NRL: variants seen among roughly 807,000 people sequenced by gnomAD.
NRL encodes the protein neural retina leucine zipper.
NRL carries 16 observed loss-of-function variants against 12.5 expected under a neutral mutation model. That is an observed-to-expected ratio of 1.28 (90% CI 0.87 to 1.95). The LOEUF is 1.95. Among genes scored for constraint, NRL ranks in the 30% most tolerant of loss-of-function variants. The probability of loss-of-function intolerance (pLI) is 0.00; values close to 1 mark genes in which losing one functional copy is unlikely to be tolerated. For synonymous variants in NRL, 142 were observed against 150.9 expected, an observed-to-expected ratio of 0.94 and a Z score of 0.43; for missense variants, 314 against 325.8, an observed-to-expected ratio of 0.96 and a Z score of 0.28.
intron 1 of NRL, chr14:24,099,119 G>A: frequency 6.2e-7 from 1 of 1,612,610 alleles, no homozygotes; most frequent in Non-Finnish European, 8.5e-7. Context: ...ACCAGCGGGA[G>A]ATCATCTCCT....
chr14:24,099,280 AG>A lies in NRL; in HGVS notation c.-28+15441del, dbSNP rs748888635. ...GCAGGGCAGCTGCCGGGGACAGGGCAGGGGTGGGGCCTGGCCAGTCTGCCTC... is the reference window on the plus strand; with the variant it reads ...GCAGGGCAGCTGCCGGGGACAGGGCAGGGTGGGGCCTGGCCAGTCTGCCTC... On this transcript the variant is annotated intron_variant, in intron 1 of 2. Transcript: ENST00000561028. The A allele has an allele frequency of 3.9e-5, 60 of 1,551,270 alleles. No homozygotes were observed. The South Asian group carries it at 6.8e-4, about 18-fold the overall frequency.
At chr14:24,104,663 CAAAACA>C (rs2037303319) in intron 1 of NRL, among the ~76,000 whole-genome samples, 1 of 147,854 alleles carries the variant, frequency 6.8e-6, no homozygotes. Flanking sequence ...CAAAACAAAA[CAAAACA>C]AAAAAAAAAC....
chr14:24,104,083 C>G lies in NRL; in HGVS notation c.-28+10639G>C, dbSNP rs569631551. On this transcript the variant is annotated intron_variant, in intron 1 of 2. Transcript: ENST00000561028. ...ACATCTTCAATGTGCCATAGACCTT[C>G]CCACAAAGACTGTCCAATAATAAGA... The G allele has an allele frequency of 1.9e-4, 130 of 668,352 alleles. No individual in the cohort carries two copies. In the African/African-American group the frequency reaches 2.1e-3, roughly 11 times the overall value. The allele number at this position is 668,352 out of a possible 1,614,324, so 41.4% of individuals were successfully genotyped here. A position where few individuals can be genotyped will look rare whatever the true frequency, so the allele number is the denominator to read the frequency against.
intron 1 of NRL, among the ~76,000 whole-genome samples, chr14:24,087,411 A>C (rs1363753236): frequency 1.3e-5 from 2 of 152,198 alleles, no homozygotes; most frequent in Non-Finnish European, 2.9e-5. Flanking sequence ...ATATTGGACC[A>C]TGGGGAAAGA....
chr14:24,097,027 C>G, intron 1 of NRL: 6 of 1,613,290 alleles, frequency 3.7e-6, no homozygotes, highest in Non-Finnish European at 5.1e-6. Context: ...CCCGCCTGTG[C>G]CAACCAGAGG....
rs781438052 is a variant in NRL, at chr14:24,082,834, G to T, written c.15C>A (p.Pro5=). 3.7e-6 allele frequency: 6 copies of T among 1,612,782 alleles called. No homozygotes were observed. The South Asian group carries it at 6.6e-5, about 18-fold the overall frequency. ...TGACATATTCCATGGCCAGGGGGCTGGGGGGCAGGGCCATTCTGGAGCTGG... is the reference window on the plus strand; with the variant it reads ...TGACATATTCCATGGCCAGGGGGCTTGGGGGCAGGGCCATTCTGGAGCTGG... MALP[P]SPLAMEYVND... Residue 5 remains proline, a synonymous_variant, in exon 2 of 3, where the codon CCC becomes CCA. Coordinates refer to ENST00000561028, the MANE Select transcript of NRL (RefSeq NM_001354768.3).
At position 24,094,622 on chromosome 14, in the gene NRL, C is replaced by G; in HGVS notation, c.-27-11747G>C. The G allele has an allele frequency of 6.8e-7, 1 of 1,470,098 alleles. No homozygotes were observed. The highest frequency in any genetic ancestry group is 9.0e-7 in the Non-Finnish European group (1 of 1,111,662). The allele number at this position is 1,470,098 out of a possible 1,614,324, so 91.1% of individuals were successfully genotyped here. On this transcript the variant is annotated intron_variant, in intron 1 of 2. Coordinates refer to ENST00000561028, the MANE Select transcript of NRL (RefSeq NM_001354768.3). The surrounding 1 kb of genome is among the most constrained non-coding windows in gnomAD (Gnocchi z 4.1). ...CTCTTGGGAGGGCAGCCGGCCGGTGCTCCTCGTTTCCGCCTGCACCTCCCC... is the reference window on the plus strand; with the variant it reads ...CTCTTGGGAGGGCAGCCGGCCGGTGGTCCTCGTTTCCGCCTGCACCTCCCC...
chr14:24,111,688 CG>C (rs1566587071), intron 1 of NRL, among the ~76,000 whole-genome samples: 2 of 152,110 alleles, frequency 1.3e-5, no homozygotes, highest in African/African-American at 4.8e-5. Flanking sequence ...AAAATGATTC[CG>C]TCCTGAGACT....
intron 1 of NRL, among the ~76,000 whole-genome samples, chr14:24,107,314 C>T (rs1010140324): frequency 6.6e-6 from 1 of 152,082 alleles, no homozygotes; most frequent in Admixed American, 6.6e-5. Context: ...ATAGTTAACA[C>T]ATTATAATCT....
chr14:24,099,318 C>T, intron 1 of NRL: 1 of 1,350,178 alleles, frequency 7.4e-7, no homozygotes, highest in Non-Finnish European at 1.0e-6. Flanking sequence ...GCCTCACCTC[C>T]CTCCTGCCAG....
chr14:24,100,286 AAC>A, intron 1 of NRL: 1 of 1,575,922 alleles, frequency 6.3e-7, no homozygotes, highest in Non-Finnish European at 8.6e-7. Context: ...CTTTCTCCAC[AAC>A]CTCCAACCAT....
In NRL at chr14:24,082,474, G is replaced by C. The variant is rs201970559; in HGVS notation, c.375C>G (p.His125Gln). 415 of 1,612,354 alleles carry C rather than the reference G, an allele frequency of 2.6e-4. No individual in the cohort carries two copies. The highest frequency in any genetic ancestry group is 2.7e-4 in the Non-Finnish European group (317 of 1,180,026). The change falls in exon 2 of 3, where the codon CAC becomes CAG. Residue 125 changes from histidine (H) to glutamine (Q), a missense_variant. By Grantham distance (24) the His-to-Gln change is conservative. Coordinates refer to ENST00000561028, the MANE Select transcript of NRL (RefSeq NM_001354768.3). ...PGSPEETGAQ[H>Q]VQLAERFSDA... Reference sequence around the variant, plus strand: ...CAGCTTGCTGACCACTCACCTGGACGTGCTGGGCTCCTGTCTCCTCTGGGC... The same window carrying C: ...CAGCTTGCTGACCACTCACCTGGACCTGCTGGGCTCCTGTCTCCTCTGGGC...
rs949953927 is a variant in NRL at position 24,079,033 on chromosome 14, C to G, written c.*2203G>C. Among the ~76,000 whole-genome samples, 2 of 152,202 alleles carry G rather than the reference C, an allele frequency of 1.3e-5. No individual in the cohort carries two copies. Among genetic ancestry groups the G allele is most frequent in the Admixed American group, 1.3e-4 (2 of 15,286 alleles). ...GTTGCCCAGGCTGGTCTCAAACTTC[C>G]TCCTTGGCCTCCCAAAGTGTTGGGA... On this transcript the variant is annotated 3_prime_UTR_variant, in exon 3 of 3. Coordinates refer to ENST00000561028, the MANE Select transcript of NRL (RefSeq NM_001354768.3).
intron 1 of NRL, chr14:24,102,717 C>T: frequency 6.3e-7 from 1 of 1,593,840 alleles, no homozygotes. Flanking sequence ...GTCGACATGA[C>T]CTTGGAAATA....
At chr14:24,091,523 A>G (rs2036631390) in intron 1 of NRL, among the ~76,000 whole-genome samples, 2 of 152,328 alleles carry the variant, frequency 1.3e-5, no homozygotes, top group Middle Eastern at 3.4e-3. Context: ...ATAAGATATC[A>G]TGTGATGGAA....
At chr14:24,110,077 C>G (rs912335505) in intron 1 of NRL, among the ~76,000 whole-genome samples, 2 of 152,070 alleles carry the variant, frequency 1.3e-5, no homozygotes, top group Non-Finnish European at 2.9e-5. Flanking sequence ...TGCAAGCCCT[C>G]CCCACTTTGT....
chr14:24,108,640 G>C (rs2037374877), intron 1 of NRL, among the ~76,000 whole-genome samples: 1 of 151,890 alleles, frequency 6.6e-6, no homozygotes, highest in Admixed American at 6.6e-5. Flanking sequence ...CCACTAAAGG[G>C]TATTTACTTA....
Position 24,081,675 on chromosome 14 carries a change from C to T in NRL, c.382-107G>A, listed in dbSNP as rs1743232394. 2 of 1,528,546 alleles carry T rather than the reference C, an allele frequency of 1.3e-6. No individual in the cohort carries two copies. Among genetic ancestry groups the T allele is most frequent in the African/African-American group, 2.8e-5 (2 of 72,542 alleles). 94.7% of individuals were successfully genotyped at this position (1,528,546 alleles called of 1,614,324 possible). On this transcript the variant is annotated intron_variant, in intron 2 of 2. Coordinates refer to ENST00000561028, the MANE Select transcript of NRL (RefSeq NM_001354768.3). This position sits in a 1 kb window ranked among gnomAD's most constrained non-coding sequence, Gnocchi z 4.4. ...GCCCCGGGACAGCCCCGCCCCGGCT[C>T]CCACCTTCACCGGAAGGCTCGCCCT...
intron 1 of NRL, among the ~76,000 whole-genome samples, chr14:24,109,828 A>G (rs2037392473): frequency 1.3e-5 from 2 of 152,186 alleles, no homozygotes; most frequent in South Asian, 4.1e-4. Context: ...TTTAACATTT[A>G]CCATGACTTT....
Sources: gnomAD v4.1 joint callset for allele counts (sites outside exome capture counted in the v4.1 genomes callset) on GRCh38, gnomAD v4.1.1 for gene constraint, Gnocchi (gnomAD v3.1) non-coding constraint, MANE v1.5 for transcripts, NCBI Gene and HGNC (gene_info 2026-07-23, HGNC 2026-07-21) for gene names.